The following METAP1 variants were observed in gnomAD, a reference collection of about 807,000 sequenced individuals.
The protein encoded by METAP1 is methionyl aminopeptidase 1.
METAP1 carries 28 observed loss-of-function variants against 53.8 expected under a neutral mutation model. The observed-to-expected ratio is 0.52, with a 90% CI of 0.39 to 0.71. The LOEUF (loss-of-function observed/expected upper bound fraction) is 0.71. METAP1 is among the 30% of genes least tolerant of loss of function. The pLI is 0.00. For missense variants in METAP1, 389 were observed against 479.8 expected, an observed-to-expected ratio of 0.81 and a Z score of 1.77; for synonymous variants, 181 against 165.7, an observed-to-expected ratio of 1.09 and a Z score of -0.71.
At position 99,010,956 on chromosome 4, in the gene METAP1, A is replaced by T. The variant is rs28898340; in HGVS notation, c.114+15089A>T. ...TTTAAATGGAATTGTTCCTTAATTT[A>T]TCTTAAAATTATTCATTGTTAGTGT... On this transcript the variant is annotated intron_variant, in intron 1 of 10. Coordinates refer to ENST00000296411, the MANE Select transcript of METAP1 (RefSeq NM_015143.3). Among the ~76,000 whole-genome samples, 743 of 151,814 alleles carry T rather than the reference A, an allele frequency of 4.9e-3. 5 individuals carry two copies. The highest frequency in any genetic ancestry group is 0.017 in the African/African-American group (700 of 41,438).
At chr4:99,010,646 G>T (rs1176989916) in intron 1 of METAP1, among the ~76,000 whole-genome samples, 1 of 152,058 alleles carries the variant, frequency 6.6e-6, no homozygotes, top group East Asian at 1.9e-4. Flanking sequence ...AATTGTTTTG[G>T]CTATTTGGGT....
Position 99,041,024 on chromosome 4 carries a change from G to GACACAC in METAP1, c.433-18_433-17insCACACA, listed in dbSNP as rs1725821922. 6.3e-7 allele frequency: 1 copy of GACACAC among 1,585,624 alleles called. No homozygotes were observed. Among genetic ancestry groups the GACACAC allele is most frequent in the African/African-American group, 1.3e-5 (1 of 74,388 alleles). Reference sequence around the variant, plus strand: ...GTTTCTGTGTCTTTTTTAATGTATTGAGTGTTCCTTTTTTACAGCTTGCTA... The same window carrying GACACAC: ...GTTTCTGTGTCTTTTTTAATGTATTGACACACAGTGTTCCTTTTTTACAGCTTGCTA... On this transcript the variant is annotated intron_variant, in intron 5 of 10. Transcript: ENST00000296411.
At chr4:99,001,603 T>C (rs1722930291) in intron 1 of METAP1, among the ~76,000 whole-genome samples, 1 of 152,250 alleles carries the variant, frequency 6.6e-6, no homozygotes, top group Non-Finnish European at 1.5e-5. Flanking sequence ...TACATTTACA[T>C]GATCCTTTAT....
chr4:99,050,603 C>T (rs780210472), intron 9 of METAP1, among the ~76,000 whole-genome samples: 1 of 152,202 alleles, frequency 6.6e-6, no homozygotes, highest in Non-Finnish European at 1.5e-5. Flanking sequence ...AGGAGCTGGG[C>T]TGCACAGCAT....
intron 1 of METAP1, 24 bp from the exon 2 acceptor site, chr4:99,028,843 A>T: frequency 6.7e-7 from 1 of 1,503,322 alleles, no homozygotes; most frequent in South Asian, 1.2e-5. Context: ...GCCTGACACT[A>T]ATTTTCCTTT....
intron 1 of METAP1, among the ~76,000 whole-genome samples, chr4:99,009,679 G>A (rs1372576425): frequency 1.3e-5 from 2 of 152,116 alleles, no homozygotes; most frequent in Non-Finnish European, 2.9e-5. Context: ...TTGGAGAAAT[G>A]TCTGCTTAAG....
rs1366879265 is a variant in METAP1 at position 98,995,849 on chromosome 4, C to A, written c.96C>A (p.Gly32=). ...CTTGCATCAAGCTGGGCATCCAGGG[C>A]TCGTACTTCTGCTCGCAGGTAGGCG... ...CPTCIKLGIQ[G]SYFCSQECFK... Residue 32 remains glycine, a synonymous_variant, in exon 1 of 11, where the codon GGC becomes GGA. Coordinates refer to ENST00000296411, the MANE Select transcript of METAP1 (RefSeq NM_015143.3). 6.5e-7 allele frequency: 1 copy of A among 1,541,826 alleles called. No homozygotes were observed. Among genetic ancestry groups the A allele is most frequent in the East Asian group, 2.5e-5 (1 of 39,490 alleles).
At chr4:99,010,769 T>C (rs908376152) in intron 1 of METAP1, among the ~76,000 whole-genome samples, 9 of 152,256 alleles carry the variant, frequency 5.9e-5, no homozygotes, top group African/African-American at 1.9e-4. Flanking sequence ...AATATTGATA[T>C]CTTAACCTTA....
intron 1 of METAP1, among the ~76,000 whole-genome samples, chr4:99,005,311 CAAA>C (rs1723123724): frequency 6.6e-6 from 1 of 151,982 alleles, no homozygotes; most frequent in Admixed American, 6.6e-5. Context: ...ATAATCTCAT[CAAA>C]AAGTGGGCAA....
chr4:99,023,428 T>G lies in METAP1; in HGVS notation c.115-5439T>G, dbSNP rs1724296684. On this transcript the variant is annotated intron_variant, in intron 1 of 10. Transcript: ENST00000296411. Reference sequence around the variant, plus strand: ...TGTAAGTATTTATATATATGTTATATCTTGATACATACAAATCCTTTTAGT... The same window carrying G: ...TGTAAGTATTTATATATATGTTATAGCTTGATACATACAAATCCTTTTAGT... 3 of 910,804 alleles carry G rather than the reference T, an allele frequency of 3.3e-6. No homozygotes were observed. In the Admixed American group the frequency reaches 1.9e-4, roughly 56 times the overall value. The allele number at this position is 910,804 out of a possible 1,614,324, so 56.4% of individuals were successfully genotyped here.
At position 99,059,641 on chromosome 4, in the gene METAP1, C is replaced by T. The variant is rs77759760; in HGVS notation, c.998-1513C>T. On this transcript the variant is annotated intron_variant, in intron 10 of 10. Coordinates refer to ENST00000296411, the MANE Select transcript of METAP1 (RefSeq NM_015143.3). ...AGAAAGCTCGCAAATACATCTTTTA[C>T]AGTAGTATCTAGAATTGCCTTTCTC... 2.6e-3 allele frequency among the ~76,000 whole-genome samples: 400 copies of T among 152,162 alleles called. 4 individuals carry two copies. Among genetic ancestry groups the T allele is most frequent in the African/African-American group, 9.2e-3 (381 of 41,528 alleles).
At chr4:99,019,834 A>G (rs1054595337) in intron 1 of METAP1, among the ~76,000 whole-genome samples, 2 of 152,196 alleles carry the variant, frequency 1.3e-5, no homozygotes, top group Non-Finnish European at 2.9e-5. Flanking sequence ...ACCTTGTCCT[A>G]GTGGACTGTC....
At chr4:99,026,490 T>C (rs1045003934) in intron 1 of METAP1, 2 of 985,236 alleles carry the variant, frequency 2.0e-6, no homozygotes, top group Non-Finnish European at 2.4e-6. Flanking sequence ...CGGTGAGTGT[T>C]AGGATTAGGT....
chr4:99,023,000 G>A, intron 1 of METAP1: 4 of 1,465,816 alleles, frequency 2.7e-6, no homozygotes, highest in Non-Finnish European at 3.7e-6. Flanking sequence ...ACAATACCTG[G>A]CACTACCCGC....
intron 1 of METAP1, chr4:99,023,885 C>A: frequency 1.5e-6 from 1 of 665,336 alleles, no homozygotes; most frequent in Non-Finnish European, 1.9e-6. Flanking sequence ...GTTACTTATT[C>A]ATGCAGAGCC....
chr4:99,003,088 AAAC>A lies in METAP1; in HGVS notation c.114+7227_114+7229del, dbSNP rs1722998618. 2.3e-5 allele frequency among the ~76,000 whole-genome samples: 3 copies of A among 128,784 alleles called. 1 individual carries two copies. Among genetic ancestry groups the A allele is most frequent in the Admixed American group, 7.8e-5 (1 of 12,898 alleles). The allele number at this position is 128,784 out of a possible 152,430, so 84.5% of individuals were successfully genotyped here. A position where few individuals can be genotyped will look rare whatever the true frequency, so the allele number is the denominator to read the frequency against. On this transcript the variant is annotated intron_variant, in intron 1 of 10. Transcript: ENST00000296411. ...TCTCAAAAACAAACAAACAAACAAA[AAAC>A]AACAAACCAAGAAAAGCCCCTGTTA...
At chr4:99,057,301 T>C (rs1727222588) in intron 9 of METAP1, among the ~76,000 whole-genome samples, 8 of 152,224 alleles carry the variant, frequency 5.3e-5, no homozygotes, top group Admixed American at 5.2e-4. Flanking sequence ...AAACACATGC[T>C]TACCCCCCAA....
At chr4:99,023,291 A>G (rs994525908) in intron 1 of METAP1, 4 of 507,948 alleles carry the variant, frequency 7.9e-6, no homozygotes, top group Middle Eastern at 8.9e-4. Context: ...ATTAAGTTGC[A>G]TATGTTTTGC....
intron 1 of METAP1, among the ~76,000 whole-genome samples, chr4:99,015,593 A>G (rs1192839456): frequency 6.6e-6 from 1 of 152,206 alleles, no homozygotes; most frequent in Non-Finnish European, 1.5e-5. Flanking sequence ...ATAGAACATT[A>G]TTCCAACTGC....
Sources: allele counts gnomAD v4.1 joint callset (sites outside exome capture counted in the v4.1 genomes callset), GRCh38; gene constraint gnomAD v4.1.1; transcripts MANE v1.5; gene names NCBI Gene and HGNC (gene_info 2026-07-23, HGNC 2026-07-21).